The following PLEKHA1 variants were observed in gnomAD, a reference collection of about 807,000 sequenced individuals.
The protein encoded by PLEKHA1 is pleckstrin homology domain containing A1, also known as pleckstrin homology domain-containing family A member 1.
In PLEKHA1, 34 loss-of-function variants were observed where a neutral mutation model predicts 52.0. That is an observed-to-expected ratio of 0.65 (90% CI 0.50 to 0.87). The LOEUF is 0.87. PLEKHA1 is among the 40% of genes least tolerant of loss of function. The pLI is 0.00. For synonymous variants in PLEKHA1, 163 were observed against 170.7 expected (o/e 0.95, Z 0.35); for missense variants, 497 against 504.2 (o/e 0.99, Z 0.14).
At chr10:122,381,256 A>G (rs2096610597) in intron 1 of PLEKHA1, among the ~76,000 whole-genome samples, 1 of 152,124 alleles carries the variant, frequency 6.6e-6, no homozygotes, top group South Asian at 2.1e-4. Context: ...GCAAGTGGTG[A>G]GAAGTAGGAT....
chr10:122,403,044 CT>C (rs879725495), intron 4 of PLEKHA1, among the ~76,000 whole-genome samples: 3 of 152,136 alleles, frequency 2.0e-5, no homozygotes, highest in Non-Finnish European at 4.4e-5. Context: ...TGCAAGAGAG[CT>C]TTTCATCAGT....
chr10:122,408,649 A>G (rs896976081), intron 5 of PLEKHA1, among the ~76,000 whole-genome samples: 1 of 152,164 alleles, frequency 6.6e-6, no homozygotes, highest in African/African-American at 2.4e-5. Context: ...CACACATTTA[A>G]CTCATAGGAT....
At chr10:122,399,776 G>A (rs1016160398) in intron 3 of PLEKHA1, among the ~76,000 whole-genome samples, 7 of 151,936 alleles carry the variant, frequency 4.6e-5, no homozygotes, top group Admixed American at 2.6e-4. Flanking sequence ...TAGTAGAGAC[G>A]GGGTTTCACC....
At chr10:122,398,801 A>G (rs2096887279) in intron 3 of PLEKHA1, among the ~76,000 whole-genome samples, 1 of 152,178 alleles carries the variant, frequency 6.6e-6, no homozygotes, top group South Asian at 2.1e-4. Flanking sequence ...TAGAAGATAG[A>G]TGTTATATAA....
chr10:122,376,362 G>T (rs1416494452), intron 1 of PLEKHA1, among the ~76,000 whole-genome samples: 2 of 151,762 alleles, frequency 1.3e-5, no homozygotes, highest in African/African-American at 4.8e-5. Flanking sequence ...GAGTATTTAA[G>T]TTTGACAGAA....
intron 8 of PLEKHA1, chr10:122,423,431 AAAAAAAAAC>A (rs368367481): frequency 0.12 from 18,791 of 150,716 alleles, 1,316 homozygotes; most frequent in Middle Eastern, 0.18. Context: ...ATCTCAAAAA[AAAAAAAAAC>A]AAAAAAAACA....
chr10:122,403,866 A>G (rs1277847940), intron 4 of PLEKHA1, among the ~76,000 whole-genome samples: 2 of 152,106 alleles, frequency 1.3e-5, no homozygotes, highest in East Asian at 1.9e-4. Flanking sequence ...TAATTTTTGT[A>G]TTTTGAGTAG....
At position 122,416,062 on chromosome 10, in the gene PLEKHA1, A is replaced by G; in HGVS notation, c.612+60A>G. 7 of 1,493,502 alleles carry G rather than the reference A, an allele frequency of 4.7e-6. 1 individual carries two copies. Among genetic ancestry groups the G allele is most frequent in the Middle Eastern group, 1.8e-4 (1 of 5,630 alleles). The allele number at this position is 1,493,502 out of a possible 1,614,324, so 92.5% of individuals were successfully genotyped here. A position where few individuals can be genotyped will look rare whatever the true frequency, so the allele number is the denominator to read the frequency against. On this transcript the variant is annotated intron_variant, in intron 7 of 11. Transcript: ENST00000368990. ...AAAGGATTACGTTCTAGCAAACTCA[A>G]ATTAACATGGAAATTGTTTGCTTTA... is the stretch of plus-strand genomic sequence containing the variant.
chr10:122,404,525 G>T (rs1342250996), intron 4 of PLEKHA1, among the ~76,000 whole-genome samples: 2 of 152,194 alleles, frequency 1.3e-5, no homozygotes, highest in African/African-American at 4.8e-5. Flanking sequence ...AAGCCATTAT[G>T]AATGAGGAGA....
chr10:122,424,337 CT>C, intron 9 of PLEKHA1, 74 bp downstream of exon 9: 1 of 1,437,052 alleles, frequency 7.0e-7, no homozygotes, highest in South Asian at 1.4e-5. Context: ...GAGTAATGTA[CT>C]TACAGATTAC....
At chr10:122,425,217 AGT>A (rs1291564270) in intron 10 of PLEKHA1, 3 of 301,588 alleles carry the variant, frequency 9.9e-6, no homozygotes, top group Non-Finnish European at 1.8e-5. Flanking sequence ...TTAGATGTTA[AGT>A]GTGTACTTTC....
Position 122,429,629 on chromosome 10 carries a change from TC to T in PLEKHA1, c.912del (p.Gly305ValfsTer66). 6.2e-7 allele frequency: 1 copy of T among 1,612,336 alleles called. No individual in the cohort carries two copies. On this transcript the variant is annotated frameshift_variant, in exon 12 of 12. Coordinates refer to ENST00000368990, the MANE Select transcript of PLEKHA1 (RefSeq NM_001001974.4). LOFTEE classifies it high-confidence loss of function. ...GPGRSASSEH[P>X]PGPSESKHAF... The stretch of plus-strand genomic sequence containing the variant: ...ACTGCCACTCCTTTTTGCAGGAGCA[TC>T]CCCCCGGTCCTTCAGAATCCAAACA...
chr10:122,412,196 G>A (rs2097115041), intron 5 of PLEKHA1: 1 of 152,190 alleles, frequency 6.6e-6, no homozygotes, highest in African/African-American at 2.4e-5. Flanking sequence ...TGTTACCACA[G>A]TCATTGTTTT....
At chr10:122,381,613 C>T (rs1187173985) in intron 1 of PLEKHA1, among the ~76,000 whole-genome samples, 1 of 152,154 alleles carries the variant, frequency 6.6e-6, no homozygotes, top group Non-Finnish European at 1.5e-5. Flanking sequence ...GCCTCCTGTA[C>T]AGACTGTGGA....
intron 7 of PLEKHA1, 34 bp from the exon 8 acceptor site, chr10:122,417,866 A>G (rs756835574): frequency 2.6e-6 from 4 of 1,537,058 alleles, no homozygotes; most frequent in East Asian, 2.3e-5. Context: ...ATTCTTAGAA[A>G]CACAAGTCTT....
chr10:122,375,318 T>C (rs1263271995), intron 1 of PLEKHA1, among the ~76,000 whole-genome samples: 1 of 152,052 alleles, frequency 6.6e-6, no homozygotes, highest in Non-Finnish European at 1.5e-5. Flanking sequence ...CCTTTCCTGG[T>C]GTTTAATGCA....
chr10:122,397,023 A>G (rs1279025713), intron 2 of PLEKHA1, among the ~76,000 whole-genome samples: 1 of 152,024 alleles, frequency 6.6e-6, no homozygotes, highest in Non-Finnish European at 1.5e-5. Context: ...TAGGTCCTCT[A>G]TGATTAGGTT....
chr10:122,385,170 A>C (rs2096671465), intron 1 of PLEKHA1, among the ~76,000 whole-genome samples: 1 of 152,088 alleles, frequency 6.6e-6, no homozygotes, highest in African/African-American at 2.4e-5. Flanking sequence ...ACTGATCTGC[A>C]TTCCATCCCT....
At chr10:122,413,184 GTATT>G (rs1214089418) in intron 6 of PLEKHA1, 139 bp downstream of exon 6, 13 of 768,854 alleles carry the variant, frequency 1.7e-5, no homozygotes, top group African/African-American at 1.1e-4. Flanking sequence ...TATTTCAAAA[GTATT>G]TATTATAAAA....
Sources: gnomAD v4.1 joint callset for allele counts (sites outside exome capture counted in the v4.1 genomes callset) on GRCh38, gnomAD v4.1.1 for gene constraint, MANE v1.5 for transcripts, NCBI Gene and HGNC (gene_info 2026-07-23, HGNC 2026-07-21) for gene names.